The following SPMIP3 variants were observed in gnomAD, a reference collection of about 807,000 sequenced individuals.
SPMIP3 encodes protein SPMIP3.
At chr1:244,383,585 T>C in the SPMIP3 span, among the ~76,000 whole-genome samples, 7 of 152,114 alleles carry the variant, frequency 4.6e-5, no homozygotes, top group Non-Finnish European at 8.8e-5. Context: ...TATAGGAGCA[T>C]ATAGTAAGTC....
chr1:244,357,704 T>G, the SPMIP3 span, among the ~76,000 whole-genome samples: 1 of 41,490 alleles, frequency 2.4e-5, no homozygotes, highest in Non-Finnish European at 4.7e-5. Context: ...CGAGACTCCA[T>G]CTCAAAAAAA....
chr1:244,369,604 C>T, the SPMIP3 span, among the ~76,000 whole-genome samples: 1 of 152,122 alleles, frequency 6.6e-6, no homozygotes, highest in Non-Finnish European at 1.5e-5. Flanking sequence ...AGTGGGTCTT[C>T]TGGTCCCTGG....
chr1:244,389,030 G>A, the SPMIP3 span: 2 of 1,613,806 alleles, frequency 1.2e-6, no homozygotes, highest in Non-Finnish European at 1.7e-6. Flanking sequence ...GTTGTGAAGA[G>A]AGAAGCAGCT....
chr1:244,360,547 C>T, the SPMIP3 span, among the ~76,000 whole-genome samples: 1 of 63,048 alleles, frequency 1.6e-5, no homozygotes, highest in African/African-American at 5.1e-5. Flanking sequence ...CACACACACA[C>T]ACACACACAC....
At chr1:244,374,917 G>A in the SPMIP3 span, among the ~76,000 whole-genome samples, 1 of 152,004 alleles carries the variant, frequency 6.6e-6, no homozygotes, top group African/African-American at 2.4e-5. Flanking sequence ...CATTTCAACT[G>A]TTATCAACAT....
At chr1:244,388,426 C>T in the SPMIP3 span, among the ~76,000 whole-genome samples, 9 of 148,606 alleles carry the variant, frequency 6.1e-5, no homozygotes, top group Non-Finnish European at 1.2e-4. Context: ...GTTAATCTTG[C>T]CTTTGCTATT....
chr1:244,356,918 CTTTTTTTTTTTT>C, the SPMIP3 span, among the ~76,000 whole-genome samples: 3 of 103,784 alleles, frequency 2.9e-5, no homozygotes, highest in Admixed American at 3.5e-4. Flanking sequence ...TTTTCTTTTC[CTTTTTTTTTTTT>C]TTTTTTTTTT....
the SPMIP3 span, among the ~76,000 whole-genome samples, chr1:244,386,345 T>C: frequency 6.6e-6 from 1 of 152,264 alleles, no homozygotes; most frequent in South Asian, 2.1e-4. Flanking sequence ...CCACCACAAA[T>C]CCACATGAAC....
At chr1:244,374,347 C>T in the SPMIP3 span, among the ~76,000 whole-genome samples, 2 of 151,942 alleles carry the variant, frequency 1.3e-5, no homozygotes, top group Admixed American at 6.6e-5. Flanking sequence ...AGACAGGGCT[C>T]GAGTCCCCCT....
chr1:244,357,632 C>T, the SPMIP3 span, among the ~76,000 whole-genome samples: 59,493 of 149,658 alleles, frequency 0.4, 12,598 homozygotes, highest in Middle Eastern at 0.52. Context: ...TCGCTTGAAC[C>T]CAGGAGGTGG....
the SPMIP3 span, chr1:244,375,317 G>T: frequency 7.1e-7 from 1 of 1,408,638 alleles, no homozygotes; most frequent in South Asian, 1.2e-5. Flanking sequence ...CATTCTTCTG[G>T]AATGAACTAA....
At chr1:244,357,094 GTAT>G in the SPMIP3 span, among the ~76,000 whole-genome samples, 1 of 151,360 alleles carries the variant, frequency 6.6e-6, no homozygotes, top group Non-Finnish European at 1.5e-5. Context: ...GATAATTATT[GTAT>G]TTTTTGTAAA....
chr1:244,361,939 T>C, the SPMIP3 span, among the ~76,000 whole-genome samples: 2 of 152,294 alleles, frequency 1.3e-5, no homozygotes, highest in Admixed American at 1.3e-4. Flanking sequence ...GAGTTCGGGT[T>C]AGCAGATTAA....
chr1:244,360,548 ACACACACACATGCATG>A, the SPMIP3 span, among the ~76,000 whole-genome samples: 785 of 62,980 alleles, frequency 0.012, 20 homozygotes, highest in South Asian at 0.072. Flanking sequence ...ACACACACAC[ACACACACACATGCATG>A]CATGGAATAT....
the SPMIP3 span, among the ~76,000 whole-genome samples, chr1:244,385,750 T>C: frequency 1.3e-3 from 201 of 151,614 alleles, no homozygotes; most frequent in Non-Finnish European, 2.4e-3. Flanking sequence ...AAGAATAATG[T>C]ATGCCAGAAT....
chr1:244,357,282 A>T, the SPMIP3 span, among the ~76,000 whole-genome samples: 20 of 152,196 alleles, frequency 1.3e-4, no homozygotes, highest in African/African-American at 4.8e-4. Context: ...GCAAATGGGG[A>T]TAAGTGTTTT....
At chr1:244,370,253 T>C in the SPMIP3 span, among the ~76,000 whole-genome samples, 11 of 152,184 alleles carry the variant, frequency 7.2e-5, no homozygotes, top group Non-Finnish European at 1.6e-4. Flanking sequence ...CCCATTTTAC[T>C]GATGAGGAAA....
At chr1:244,359,611 T>C in the SPMIP3 span, among the ~76,000 whole-genome samples, 3 of 151,770 alleles carry the variant, frequency 2.0e-5, no homozygotes, top group East Asian at 5.8e-4. Context: ...TAATCCCAAC[T>C]ACTCGGGAGG....
At chr1:244,382,603 T>C in the SPMIP3 span, among the ~76,000 whole-genome samples, 1 of 143,912 alleles carries the variant, frequency 6.9e-6, no homozygotes, top group Non-Finnish European at 1.5e-5. Context: ...GGCTGCTGTT[T>C]TTTTTTTTTT....
Sources: gnomAD v4.1 joint callset for allele counts (sites outside exome capture counted in the v4.1 genomes callset) on GRCh38, gnomAD v4.1.1 for gene constraint, MANE v1.5 for transcripts, NCBI Gene and HGNC (gene_info 2026-07-23, HGNC 2026-07-21) for gene names.